Variants in FGFR2 observed in about 807,000 individuals in gnomAD.
FGFR2 encodes the protein BEK fibroblast growth factor receptor.
FGFR2 carries 19 observed loss-of-function variants against 95.9 expected under a neutral mutation model. The observed-to-expected ratio is 0.20, with a 90% CI of 0.14 to 0.29. The LOEUF (loss-of-function observed/expected upper bound fraction) is 0.29. Ranked by LOEUF, FGFR2 falls within the 10% of genes least tolerant of loss-of-function variation. The pLI is 1.00. For synonymous variants in FGFR2, 392 were observed against 393.3 expected, an observed-to-expected ratio of 1.00 and a Z score of 0.04; for missense variants, 707 against 1,056.9, an observed-to-expected ratio of 0.67 and a Z score of 4.59.
chr10:121,491,500 A>G (rs569264774), intron 13 of FGFR2, among the ~76,000 whole-genome samples: 1 of 152,318 alleles, frequency 6.6e-6, no homozygotes, highest in East Asian at 1.9e-4. Context: ...GGCTGATGAC[A>G]TCGAATTCCT....
rs1160366427 is a variant in FGFR2 at position 121,488,012 on chromosome 10, G to A, written c.1965C>T (p.Asp655=). The A allele has an allele frequency of 1.2e-6, 2 of 1,614,022 alleles. No individual in the cohort carries two copies. The highest frequency in any genetic ancestry group is 1.7e-6 in the Non-Finnish European group (2 of 1,179,986). ...TTACATTGGTGGTCTTTTTGTAATA[G>A]TCTATATTGTTGATATCTCTGGCGA... ...FGLARDINNI[D]YYKKTTNGRL... is the part of the protein sequence containing the mutation. The change falls in exon 14 of 18, where the codon GAC becomes GAT. Residue 655 remains aspartate, a synonymous_variant. Coordinates refer to ENST00000358487, the MANE Select transcript of FGFR2 (RefSeq NM_000141.5).
chr10:121,515,742 TC>T (rs1282322505), intron 8 of FGFR2, among the ~76,000 whole-genome samples: 1 of 151,550 alleles, frequency 6.6e-6, no homozygotes, highest in Non-Finnish European at 1.5e-5. Flanking sequence ...TGACAATGCT[TC>T]AGTCTTACAT....
chr10:121,544,748 T>C (rs1854270838), intron 5 of FGFR2, among the ~76,000 whole-genome samples: 2 of 152,350 alleles, frequency 1.3e-5, no homozygotes, highest in Middle Eastern at 3.4e-3. Context: ...ATAGTGGTGA[T>C]GGTTGCACAA....
chr10:121,588,937 C>G lies in FGFR2; in HGVS notation c.109+4772G>C, dbSNP rs548511920. Among the ~76,000 whole-genome samples, 15 of 151,968 alleles carry G rather than the reference C, an allele frequency of 9.9e-5. No individual in the cohort carries two copies. The South Asian group carries it at 2.7e-3, about 27-fold the overall frequency. ...TCAAAAAACAAAAACAAACAAAAAACCAAAGGCTAAAATCATCTCTCAAGG... is the reference window on the plus strand; with the variant it reads ...TCAAAAAACAAAAACAAACAAAAAAGCAAAGGCTAAAATCATCTCTCAAGG... On this transcript the variant is annotated intron_variant, in intron 2 of 17. Coordinates refer to ENST00000358487, the MANE Select transcript of FGFR2 (RefSeq NM_000141.5).
At chr10:121,535,895 G>C (rs1172141770) in intron 6 of FGFR2, among the ~76,000 whole-genome samples, 3 of 152,158 alleles carry the variant, frequency 2.0e-5, no homozygotes. Flanking sequence ...TTCCAAGGAA[G>C]AATTTCAATA....
At position 121,515,160 on chromosome 10, in the gene FGFR2, A is replaced by G. The variant is rs1295460269; in HGVS notation, c.1244T>C (p.Val415Ala). 1.9e-6 allele frequency: 3 copies of G among 1,614,052 alleles called. No homozygotes were observed. The African/African-American group carries it at 4.0e-5, about 22-fold the overall frequency. ...KKPDFSSQPAVHKLTKRIPLR... is the reference protein window; with the variant it reads ...KKPDFSSQPAAHKLTKRIPLR... ...GGGGATACGTTTGGTCAGCTTGTGCACAGCCGGCTGGCTGCTGAAGTCTGG... is the reference window on the plus strand; with the variant it reads ...GGGGATACGTTTGGTCAGCTTGTGCGCAGCCGGCTGGCTGCTGAAGTCTGG... The change falls in exon 9 of 18, where the codon GTG becomes GCG. Residue 415 changes from valine to alanine, a missense_variant. Around this residue, in one of 7 missense-constraint regions of FGFR2, gnomAD observed 194 missense variants for 267.3 expected, o/e 0.73. Coordinates refer to ENST00000358487, the MANE Select transcript of FGFR2 (RefSeq NM_000141.5).
chr10:121,528,061 T>C (rs1381351875), intron 6 of FGFR2: 1 of 152,200 alleles, frequency 6.6e-6, no homozygotes, highest in Non-Finnish European at 1.5e-5. Context: ...CTTATTACAA[T>C]GGGTGAACTC....
At chr10:121,524,414 A>C (rs1329411629) in intron 6 of FGFR2, among the ~76,000 whole-genome samples, 1 of 152,168 alleles carries the variant, frequency 6.6e-6, no homozygotes, top group Non-Finnish European at 1.5e-5. Flanking sequence ...ATGTTATTTA[A>C]AATGTTTTTA....
In FGFR2 at chr10:121,485,306, G is replaced by C. The variant is rs1845265424; in HGVS notation, c.2195+89C>G. ...TTCTTAGAGCATGTTTAGGAAACCA[G>C]GGGCCTTCAAAAACGAGATACATCA... is the stretch of plus-strand genomic sequence containing the variant. On this transcript the variant is annotated intron_variant, in intron 16 of 17. Transcript: ENST00000358487. This position sits in a 1 kb window ranked among gnomAD's most constrained non-coding sequence, Gnocchi z 4.2. 1 of 1,569,966 alleles carries C rather than the reference G, an allele frequency of 6.4e-7. No individual in the cohort carries two copies. The highest frequency in any genetic ancestry group is 1.7e-5 in the Admixed American group (1 of 59,956).
chr10:121,581,833 A>T (rs183195880), intron 2 of FGFR2, among the ~76,000 whole-genome samples: 1 of 151,048 alleles, frequency 6.6e-6, no homozygotes, highest in African/African-American at 2.4e-5. Flanking sequence ...GGAACTCCTA[A>T]ACATGGGGCA....
At chr10:121,529,881 T>A (rs919716625) in intron 6 of FGFR2, among the ~76,000 whole-genome samples, 11 of 152,170 alleles carry the variant, frequency 7.2e-5, no homozygotes, top group Non-Finnish European at 1.3e-4. Context: ...GGATAGAGAA[T>A]TAACCACTGC....
At chr10:121,549,248 T>C (rs572318193) in intron 5 of FGFR2, among the ~76,000 whole-genome samples, 4 of 152,164 alleles carry the variant, frequency 2.6e-5, no homozygotes, top group Non-Finnish European at 5.9e-5. Flanking sequence ...GATGAATAAC[T>C]GTCTAAGAAA....
chr10:121,523,840 C>T (rs2134371486), intron 6 of FGFR2, among the ~76,000 whole-genome samples: 1 of 152,318 alleles, frequency 6.6e-6, no homozygotes, highest in East Asian at 1.9e-4. Flanking sequence ...ACCAAGTCCT[C>T]TTTCTTAAAC....
chr10:121,538,535 CG>C (rs766099476), intron 6 of FGFR2, 56 bp downstream of exon 6: 1 of 1,612,420 alleles, frequency 6.2e-7, no homozygotes, highest in Non-Finnish European at 8.5e-7. Flanking sequence ...TGCTTTCAAA[CG>C]AGTCAAGCAA....
intron 5 of FGFR2, among the ~76,000 whole-genome samples, chr10:121,547,317 C>G (rs1319401296): frequency 6.6e-6 from 1 of 152,094 alleles, no homozygotes; most frequent in African/African-American, 2.4e-5. Context: ...TCAATTAGGT[C>G]TCTTTGCTTT....
Position 121,483,777 on chromosome 10 carries a change from T to C in FGFR2, c.2222A>G (p.His741Arg), listed in dbSNP as rs1845064007. Residue 741 changes from histidine (H) to arginine (R), a missense_variant, in exon 17 of 18, where the codon CAT becomes CGT. Physicochemically the swap from His to Arg is conservative, Grantham distance 29. Around this residue, in one of 7 missense-constraint regions of FGFR2, gnomAD observed 104 missense variants for 214.2 expected, o/e 0.49. Transcript: ENST00000358487. ...ELYMMMRDCW[H>R]AVPSQRPTFK... ...CGTTGGTCTCTGGGAGGGCACTGCA[T>C]GCCAACAGTCCCTCATCATCATGTA... 1.9e-6 allele frequency: 3 copies of C among 1,613,734 alleles called. No homozygotes were observed. The highest frequency in any genetic ancestry group is 2.5e-6 in the Non-Finnish European group (3 of 1,179,870).
intron 9 of FGFR2, among the ~76,000 whole-genome samples, chr10:121,506,016 G>T (rs1315841903): frequency 6.6e-6 from 1 of 152,090 alleles, no homozygotes; most frequent in Non-Finnish European, 1.5e-5. Flanking sequence ...ATTGCAGGGG[G>T]ACCTTATGCT....
intron 2 of FGFR2, among the ~76,000 whole-genome samples, chr10:121,591,608 T>G (rs2135461398): frequency 6.6e-6 from 1 of 152,360 alleles, no homozygotes; most frequent in East Asian, 1.9e-4. Flanking sequence ...GGCCTGGGAC[T>G]TGTATACTTT....
At chr10:121,581,112 G>A (rs925423265) in intron 2 of FGFR2, among the ~76,000 whole-genome samples, 1 of 152,214 alleles carries the variant, frequency 6.6e-6, no homozygotes, top group African/African-American at 2.4e-5. Flanking sequence ...TAGGAAGCAG[G>A]CTGAAATGAC....
Sources: gnomAD v4.1 joint callset for allele counts (sites outside exome capture counted in the v4.1 genomes callset) on GRCh38, gnomAD v4.1.1 for gene constraint, gnomAD v4.1.1 regional missense constraint, Gnocchi (gnomAD v3.1) non-coding constraint, MANE v1.5 for transcripts, NCBI Gene and HGNC (gene_info 2026-07-23, HGNC 2026-07-21) for gene names.